WIPF1: variants seen among roughly 807,000 people sequenced by gnomAD.
The protein encoded by WIPF1 is WAS/WASL-interacting protein family member 1.
A neutral mutation model predicts 35.4 loss-of-function variants in WIPF1; 13 were observed. The observed-to-expected ratio is 0.37, with a 90% CI of 0.24 to 0.58. The LOEUF (loss-of-function observed/expected upper bound fraction) is 0.58, where lower values mean the gene tolerates loss of function less well. WIPF1 is among the 20% of genes least tolerant of loss of function. The pLI is 0.74. For missense variants in WIPF1, 591 were observed against 667.0 expected (o/e 0.89, Z 1.25); for synonymous variants, 267 against 266.3 (o/e 1.00, Z -0.02).
At chr2:174,568,293 T>C (rs1684730099) in intron 5 of WIPF1, among the ~76,000 whole-genome samples, 1 of 152,142 alleles carries the variant, frequency 6.6e-6, no homozygotes, top group Non-Finnish European at 1.5e-5. Flanking sequence ...GATAGCTAAA[T>C]GGGTGTTTTG....
intron 1 of WIPF1, among the ~76,000 whole-genome samples, chr2:174,625,305 G>T (rs560419024): frequency 6.6e-6 from 1 of 152,184 alleles, no homozygotes; most frequent in Non-Finnish European, 1.5e-5. Flanking sequence ...TCGAGGATTG[G>T]TTTAGCAACT....
chr2:174,580,014 A>C (rs1685184304), intron 3 of WIPF1, among the ~76,000 whole-genome samples: 1 of 151,944 alleles, frequency 6.6e-6, no homozygotes, highest in Non-Finnish European at 1.5e-5. Context: ...GCAGTGGCAC[A>C]ATCTCAGCTC....
chr2:174,632,644 G>C (rs1242048532), intron 1 of WIPF1, among the ~76,000 whole-genome samples: 5 of 149,318 alleles, frequency 3.3e-5, no homozygotes. Context: ...AGAAGGCAGG[G>C]GTTGCAGTGA....
chr2:174,611,280 T>G (rs1208815504), intron 1 of WIPF1, among the ~76,000 whole-genome samples: 1 of 152,168 alleles, frequency 6.6e-6, no homozygotes, highest in African/African-American at 2.4e-5. Flanking sequence ...AGAGCAGCAC[T>G]AATCCAGGCA....
At chr2:174,620,700 G>T (rs1686646929) in intron 1 of WIPF1, among the ~76,000 whole-genome samples, 1 of 152,156 alleles carries the variant, frequency 6.6e-6, no homozygotes, top group Non-Finnish European at 1.5e-5. Flanking sequence ...AAGAAAAGAG[G>T]GATTCATTTT....
intron 1 of WIPF1, among the ~76,000 whole-genome samples, chr2:174,662,773 G>A (rs2105976172): frequency 6.6e-6 from 1 of 152,284 alleles, no homozygotes; most frequent in South Asian, 2.1e-4. Context: ...TAAAGAATGT[G>A]GTCCCTGCTA....
At chr2:174,632,708 TCAAAAAAA>T (rs1326780958) in intron 1 of WIPF1, among the ~76,000 whole-genome samples, 1 of 16,126 alleles carries the variant, frequency 6.2e-5, no homozygotes, top group African/African-American at 3.4e-4. Flanking sequence ...AAACTCCATC[TCAAAAAAA>T]AAAAAAAAAA....
chr2:174,624,679 C>T (rs1460482291), intron 1 of WIPF1, among the ~76,000 whole-genome samples: 1 of 152,182 alleles, frequency 6.6e-6, no homozygotes, highest in East Asian at 1.9e-4. Context: ...CAGGGGCACC[C>T]TGTGCTGTGC....
At chr2:174,676,969 G>A (rs1414667783) in intron 1 of WIPF1, 3 of 152,106 alleles carry the variant, frequency 2.0e-5, no homozygotes, top group Admixed American at 2.0e-4. Context: ...CAAGACCAAA[G>A]GGAGACCCCA....
upstream of WIPF1, among the ~76,000 whole-genome samples, chr2:174,601,476 A>G (rs1686006631): frequency 6.6e-6 from 1 of 152,198 alleles, no homozygotes; most frequent in Admixed American, 6.5e-5. Flanking sequence ...AACAAATAGA[A>G]CAATCAGAAA....
chr2:174,634,328 T>C (rs1183848209), intron 1 of WIPF1, among the ~76,000 whole-genome samples: 1 of 152,196 alleles, frequency 6.6e-6, no homozygotes, highest in African/African-American at 2.4e-5. Flanking sequence ...GAGAATTTCA[T>C]TTTCACCATA....
At chr2:174,614,164 T>A (rs888029323) in intron 1 of WIPF1, among the ~76,000 whole-genome samples, 3 of 152,226 alleles carry the variant, frequency 2.0e-5, no homozygotes, top group Non-Finnish European at 4.4e-5. Context: ...ATTAATAAGT[T>A]GGTTTTATGT....
chr2:174,682,337 G>C (rs933859974), intron 1 of WIPF1, among the ~76,000 whole-genome samples: 1 of 152,192 alleles, frequency 6.6e-6, no homozygotes, highest in Non-Finnish European at 1.5e-5. Context: ...CCGGCCCCAG[G>C]GGATGCCCGA....
intron 1 of WIPF1, among the ~76,000 whole-genome samples, chr2:174,591,614 A>G (rs1222526064): frequency 6.6e-6 from 1 of 152,094 alleles, no homozygotes; most frequent in Non-Finnish European, 1.5e-5. Context: ...GAGAGAACAG[A>G]GTGAAATAAT....
intron 1 of WIPF1, among the ~76,000 whole-genome samples, chr2:174,631,735 C>T (rs886936061): frequency 3.3e-5 from 5 of 152,170 alleles, no homozygotes; most frequent in African/African-American, 1.2e-4. Context: ...CCTGGGCCTC[C>T]AGATTTGTTC....
chr2:174,670,818 T>C (rs1383577387), intron 1 of WIPF1, among the ~76,000 whole-genome samples: 1 of 152,220 alleles, frequency 6.6e-6, no homozygotes, highest in Non-Finnish European at 1.5e-5. Flanking sequence ...CTCTCAGCAA[T>C]CGCTGCCATC....
intron 1 of WIPF1, among the ~76,000 whole-genome samples, chr2:174,605,295 T>A (rs769710515): frequency 1.3e-5 from 2 of 151,900 alleles, no homozygotes; most frequent in Non-Finnish European, 2.9e-5. Flanking sequence ...TAGCTGGGCG[T>A]GGTGGGGTGG....
upstream of WIPF1, among the ~76,000 whole-genome samples, chr2:174,601,959 G>A (rs909977802): frequency 2.0e-5 from 3 of 152,228 alleles, no homozygotes; most frequent in African/African-American, 7.2e-5. Flanking sequence ...AGTACAAGAA[G>A]AGGCAGAAGA....
At chr2:174,584,955 A>G (rs1377961128) in intron 2 of WIPF1, among the ~76,000 whole-genome samples, 2 of 152,220 alleles carry the variant, frequency 1.3e-5, no homozygotes, top group African/African-American at 2.4e-5. Flanking sequence ...CTTTCAGGAA[A>G]TAAACATCTA....
Sources: gnomAD v4.1 joint callset for allele counts (sites outside exome capture counted in the v4.1 genomes callset) on GRCh38, gnomAD v4.1.1 for gene constraint, MANE v1.5 for transcripts, NCBI Gene and HGNC (gene_info 2026-07-23, HGNC 2026-07-21) for gene names.